The following NPTN variants were observed in gnomAD, a reference collection of about 807,000 sequenced individuals.
NPTN encodes neuroplastin, also known as SDR-1.
A neutral mutation model predicts 42.7 loss-of-function variants in NPTN; 5 were observed. The ratio of observed to expected loss-of-function variants is 0.12; its 90% CI spans 0.06 to 0.25. The LOEUF is 0.25. Ranked by LOEUF, NPTN falls within the 10% of genes least tolerant of loss-of-function variation. NPTN has a pLI of 1.00. For missense variants in NPTN, 307 were observed against 525.4 expected (o/e 0.58, Z 4.06); for synonymous variants, 180 against 201.9 (o/e 0.89, Z 0.92).
Position 73,564,202 on chromosome 15 carries a change from CTTAG to C in NPTN, c.1115-949_1115-946del, listed in dbSNP as rs1426634816. Among the ~76,000 whole-genome samples the C allele has an allele frequency of 3.9e-5, 6 of 152,280 alleles. No individual in the cohort carries two copies. The East Asian group carries it at 7.7e-4, about 20-fold the overall frequency. On this transcript the variant is annotated intron_variant, in intron 6 of 8. Coordinates refer to ENST00000345330, the MANE Select transcript of NPTN (RefSeq NM_012428.4). ...AAGGGGAAGGGAACAAGTAAGTGCT[CTTAG>C]TTTGTTTTTATTATACAAAAGTCAG...
intron 1 of NPTN, among the ~76,000 whole-genome samples, chr15:73,611,036 C>A (rs940780143): frequency 6.6e-6 from 1 of 152,180 alleles, no homozygotes; most frequent in African/African-American, 2.4e-5. Flanking sequence ...TGTGCTGAAA[C>A]TGCAAACATT....
intron 2 of NPTN, among the ~76,000 whole-genome samples, chr15:73,595,410 C>G (rs1292752958): frequency 2.0e-5 from 3 of 152,146 alleles, no homozygotes; most frequent in Admixed American, 6.5e-5. Flanking sequence ...TTTCCTCTTT[C>G]CAGAAGCAGG....
At position 73,587,507 on chromosome 15, in the gene NPTN, C is replaced by G. The variant is rs766905923; in HGVS notation, c.706+17G>C. The G allele has an allele frequency of 6.3e-7, 1 of 1,594,732 alleles. No homozygotes were observed. Among genetic ancestry groups the G allele is most frequent in the South Asian group, 1.1e-5 (1 of 90,664 alleles). ...GGAGAGTGAGAGGCTCACACCACAG[C>G]CTCTGCTGGGTTGTACCTTTCACTT... On this transcript the variant is annotated intron_variant, in intron 4 of 8. Coordinates refer to ENST00000345330, the MANE Select transcript of NPTN (RefSeq NM_012428.4).
intron 4 of NPTN, among the ~76,000 whole-genome samples, chr15:73,574,627 G>A (rs893600990): frequency 6.6e-6 from 1 of 152,180 alleles, no homozygotes; most frequent in Non-Finnish European, 1.5e-5. Flanking sequence ...TGCCCAGGCT[G>A]GTCCTGAACT....
chr15:73,628,004 G>GA (rs77880169), intron 1 of NPTN, among the ~76,000 whole-genome samples: 60 of 145,644 alleles, frequency 4.1e-4, no homozygotes, highest in East Asian at 5.9e-4. Flanking sequence ...TAGGAATTTT[G>GA]AAAAAAAAAA....
At chr15:73,567,002 CT>C (rs10539085) in intron 6 of NPTN, 383,278 of 815,924 alleles carry the variant, frequency 0.47, 32,778 homozygotes, top group Admixed American at 0.75. Flanking sequence ...AGACATGGGG[CT>C]TTTTTTTTTT....
intron 1 of NPTN, among the ~76,000 whole-genome samples, chr15:73,620,478 A>G (rs1898080377): frequency 6.6e-6 from 1 of 152,178 alleles, no homozygotes; most frequent in South Asian, 2.1e-4. Context: ...CTGAGGTGAA[A>G]CTACTAGTCT....
intron 4 of NPTN, among the ~76,000 whole-genome samples, chr15:73,575,818 C>T (rs1168149278): frequency 6.6e-6 from 1 of 152,252 alleles, no homozygotes; most frequent in East Asian, 1.9e-4. Context: ...TGGGCATGCA[C>T]TGGGCAAGGC....
At chr15:73,589,634 A>G (rs1011229903) in intron 3 of NPTN, among the ~76,000 whole-genome samples, 2 of 152,088 alleles carry the variant, frequency 1.3e-5, no homozygotes, top group Non-Finnish European at 2.9e-5. Flanking sequence ...CTACTGCACT[A>G]TTTAATGTCT....
At chr15:73,582,592 A>G (rs1466940895) in intron 4 of NPTN, among the ~76,000 whole-genome samples, 1 of 151,890 alleles carries the variant, frequency 6.6e-6, no homozygotes, top group Non-Finnish European at 1.5e-5. Flanking sequence ...CTGGCTGTAC[A>G]CCATAATCAC....
chr15:73,593,869 G>A (rs2141403349), intron 2 of NPTN, among the ~76,000 whole-genome samples: 1 of 152,284 alleles, frequency 6.6e-6, no homozygotes, highest in East Asian at 1.9e-4. Flanking sequence ...GACAGAAGCA[G>A]ATGCATGTAA....
chr15:73,625,790 G>C (rs1898373331), intron 1 of NPTN, among the ~76,000 whole-genome samples: 1 of 151,880 alleles, frequency 6.6e-6, no homozygotes, highest in Admixed American at 6.6e-5. Context: ...AAGTAGCAAG[G>C]GTGTAGCTGA....
At chr15:73,625,633 G>C (rs117792034) in intron 1 of NPTN, among the ~76,000 whole-genome samples, 7,737 of 152,124 alleles carry the variant, frequency 0.051, 210 homozygotes, top group South Asian at 0.094. Context: ...GTCCGGCCAA[G>C]AGCTTTATTT....
intron 3 of NPTN, among the ~76,000 whole-genome samples, chr15:73,591,416 T>A (rs1477741888): frequency 6.6e-6 from 1 of 152,162 alleles, no homozygotes; most frequent in Non-Finnish European, 1.5e-5. Context: ...CCAGCAAATA[T>A]CCTTCTTTTT....
Position 73,570,035 on chromosome 15 carries a change from CCTT to C in NPTN, c.1114+112_1114+114del. 9.9e-7 allele frequency: 1 copy of C among 1,012,922 alleles called. No homozygotes were observed. The highest frequency in any genetic ancestry group is 1.3e-6 in the Non-Finnish European group (1 of 740,896). 62.7% of individuals were successfully genotyped at this position (1,012,922 alleles called of 1,614,324 possible). ...GGTTAGGAACTGGTATAAGAATTTT[CCTT>C]CTTTCCTTTAGGGATTGAATCCCAA... On this transcript the variant is annotated intron_variant, in intron 6 of 8. Transcript: ENST00000345330. This position sits in a 1 kb window ranked among gnomAD's most constrained non-coding sequence, Gnocchi z 4.0.
intron 4 of NPTN, among the ~76,000 whole-genome samples, 164 bp from the exon 5 acceptor site, chr15:73,573,959 G>C (rs1895548264): frequency 6.6e-6 from 1 of 152,116 alleles, no homozygotes; most frequent in Non-Finnish European, 1.5e-5. Context: ...TAGGGTAAAG[G>C]GACCAAACCC....
At chr15:73,626,075 A>G (rs1898389252) in intron 1 of NPTN, among the ~76,000 whole-genome samples, 1 of 152,210 alleles carries the variant, frequency 6.6e-6, no homozygotes, top group Non-Finnish European at 1.5e-5. Context: ...TGCATAAGGG[A>G]CTGCAGAAAC....
At chr15:73,592,520 T>A (rs1306258139) in intron 2 of NPTN, among the ~76,000 whole-genome samples, 1 of 152,206 alleles carries the variant, frequency 6.6e-6, no homozygotes, top group Non-Finnish European at 1.5e-5. Context: ...CCATATCATT[T>A]ATATACCTAT....
intron 1 of NPTN, among the ~76,000 whole-genome samples, chr15:73,626,936 C>T (rs1342238811): frequency 2.0e-5 from 3 of 152,018 alleles, no homozygotes; most frequent in African/African-American, 7.2e-5. Flanking sequence ...AGAAGGATAT[C>T]CAAATTGGCA....
Sources: gnomAD v4.1 joint callset for allele counts (sites outside exome capture counted in the v4.1 genomes callset) on GRCh38, gnomAD v4.1.1 for gene constraint, Gnocchi (gnomAD v3.1) non-coding constraint, MANE v1.5 for transcripts, NCBI Gene and HGNC (gene_info 2026-07-23, HGNC 2026-07-21) for gene names.